The following HLA-DRB5 variants were observed in gnomAD, a reference collection of about 807,000 sequenced individuals.
The protein encoded by HLA-DRB5 is major histocompatibility complex, class II, DR beta 5, also known as DR beta-5.
HLA-DRB5 carries 11 observed loss-of-function variants against 22.4 expected under a neutral mutation model. The ratio of observed to expected loss-of-function variants is 0.49; its 90% confidence interval spans 0.31 to 0.81. The LOEUF (loss-of-function observed/expected upper bound fraction) is 0.81, where lower values mean the gene tolerates loss of function less well. HLA-DRB5 is among the 40% of genes least tolerant of loss of function. The pLI, the probability that HLA-DRB5 is intolerant of heterozygous loss-of-function variation, is 0.05. For synonymous variants in HLA-DRB5, 57 were observed against 106.0 expected (o/e 0.54, Z 2.84); for missense variants, 106 against 274.4 (o/e 0.39, Z 4.34).
At chr6:32,523,898 T>A in intron 1 of HLA-DRB5, among the ~76,000 whole-genome samples, 1 of 125,516 alleles carries the variant, frequency 8.0e-6, no homozygotes, top group Non-Finnish European at 1.7e-5. Flanking sequence ...TAATTCTTTG[T>A]TGGTAAAGGA....
chr6:32,518,471 C>G lies in HLA-DRB5; in HGVS notation c.763+85G>C, dbSNP rs111338793. The G allele has an allele frequency of 5.4e-4, 213 of 397,282 alleles. 21 individuals carry two copies. The highest frequency in any genetic ancestry group is 1.3e-3 in the South Asian group (43 of 34,134). The allele number at this position is 397,282 out of a possible 1,614,324, so 24.6% of individuals were successfully genotyped here. ...AAGAAAGGCTTTATCCAGGGCCACT[C>G]ATATACTGAGAACTAACCTCAGCAA... On this transcript the variant is annotated intron_variant, in intron 4 of 5. Transcript: ENST00000374975.
intron 1 of HLA-DRB5, among the ~76,000 whole-genome samples, chr6:32,524,773 G>A (rs114198303): frequency 0.075 from 6,064 of 81,162 alleles, 71 homozygotes; most frequent in East Asian, 0.15. Context: ...GGCTAGCACT[G>A]TAATCCATGC....
At position 32,525,164 on chromosome 6, in the gene HLA-DRB5, C is replaced by A. The variant is rs1381336220; in HGVS notation, c.101-2990G>T. The stretch of plus-strand genomic sequence containing the variant: ...ATTCAGACACAATCAAGTCACTACT[C>A]ACTAATGATGGAAAAACTCTCATAT... On this transcript the variant is annotated intron_variant, in intron 1 of 5. Coordinates refer to ENST00000374975, the MANE Select transcript of HLA-DRB5 (RefSeq NM_002125.4). Among the ~76,000 whole-genome samples, 203 of 84,488 alleles carry A rather than the reference C, an allele frequency of 2.4e-3. 1 individual carries two copies. The highest frequency in any genetic ancestry group is 7.9e-3 in the South Asian group (21 of 2,674). The allele number at this position is 84,488 out of a possible 152,430, so 55.4% of individuals were successfully genotyped here.
intron 2 of HLA-DRB5, among the ~76,000 whole-genome samples, chr6:32,520,762 G>A (rs185170828): frequency 0.25 from 7,410 of 30,068 alleles, 2,380 homozygotes; most frequent in Non-Finnish European, 0.28. Flanking sequence ...ATTAATAAAA[G>A]TTTTGGAATA....
At chr6:32,526,097 G>A (rs113816652) in intron 1 of HLA-DRB5, among the ~76,000 whole-genome samples, 3,366 of 64,014 alleles carry the variant, frequency 0.053, 12 homozygotes, top group East Asian at 0.062. Flanking sequence ...CCTGAAGCTC[G>A]CTACTCAAAA....
chr6:32,523,791 T>C (rs112476814), intron 1 of HLA-DRB5, among the ~76,000 whole-genome samples: 4,396 of 70,432 alleles, frequency 0.062, 836 homozygotes, highest in South Asian at 0.22. Context: ...CTGAATTGGG[T>C]GCTGAGTGTA....
chr6:32,529,680 T>C (rs1003428619), intron 1 of HLA-DRB5, among the ~76,000 whole-genome samples: 10,171 of 70,324 alleles, frequency 0.14, 607 homozygotes, highest in Middle Eastern at 0.29. Context: ...GAGGAGCCAA[T>C]ATCACAGGTT....
At chr6:32,529,594 G>GCTTT (rs1321229728) in intron 1 of HLA-DRB5, among the ~76,000 whole-genome samples, 1 of 22,942 alleles carries the variant, frequency 4.4e-5, no homozygotes, top group Non-Finnish European at 9.6e-5. Context: ...TACATTACAG[G>GCTTT]GTAAACATTG....
intron 1 of HLA-DRB5, among the ~76,000 whole-genome samples, chr6:32,522,955 G>A (rs796448225): frequency 0.069 from 7,520 of 109,154 alleles, 129 homozygotes; most frequent in East Asian, 0.098. Flanking sequence ...ACAAAAGCTT[G>A]AATTGATGAA....
At chr6:32,518,888 C>A (rs187058069) in intron 3 of HLA-DRB5, among the ~76,000 whole-genome samples, 5,374 of 31,440 alleles carry the variant, frequency 0.17, 1,262 homozygotes, top group Middle Eastern at 0.34. Context: ...ATGTAAGGCA[C>A]GGCTTCAACA....
intron 1 of HLA-DRB5, among the ~76,000 whole-genome samples, chr6:32,528,273 A>G (rs201348470): frequency 0.011 from 1,306 of 117,530 alleles, 38 homozygotes; most frequent in Middle Eastern, 0.021. Context: ...GACTCTCTGA[A>G]ATTTTCTTCT....
Position 32,527,647 on chromosome 6 carries a change from C to T in HLA-DRB5, c.100+2478G>A, listed in dbSNP as rs1769762439. ...ATCCCAGCACTTTGGGAGTCTCAGG[C>T]GGGCAGATTACTTGAGGTCAGGAGT... On this transcript the variant is annotated intron_variant, in intron 1 of 5. Transcript: ENST00000374975. Among the ~76,000 whole-genome samples the T allele has an allele frequency of 5.0e-5, 2 of 40,342 alleles. 1 individual carries two copies. The highest frequency in any genetic ancestry group is 1.0e-4 in the Non-Finnish European group (2 of 19,606). 26.5% of individuals were successfully genotyped at this position (40,342 alleles called of 152,430 possible). A position where few individuals can be genotyped will look rare whatever the true frequency, so the allele number is the denominator to read the frequency against.
At chr6:32,528,217 T>A (rs115711695) in intron 1 of HLA-DRB5, among the ~76,000 whole-genome samples, 26,469 of 62,816 alleles carry the variant, frequency 0.42, 4,946 homozygotes, top group Middle Eastern at 0.47. Context: ...GGTGAATCCA[T>A]TTCTCTCTTT....
intron 2 of HLA-DRB5, among the ~76,000 whole-genome samples, chr6:32,520,941 C>G (rs111304729): frequency 0.059 from 2,250 of 38,194 alleles, 2 homozygotes; most frequent in Middle Eastern, 0.16. Context: ...CTGGAGATAA[C>G]AGAAAATAGA....
chr6:32,518,862 T>A (rs116577630), intron 3 of HLA-DRB5, among the ~76,000 whole-genome samples, 196 bp from the exon 4 acceptor site: 14,439 of 38,354 alleles, frequency 0.38, 5,687 homozygotes, highest in Middle Eastern at 0.67. Flanking sequence ...AAATTCATTC[T>A]AATATTACAG....
chr6:32,519,007 C>T (rs1317768482), intron 3 of HLA-DRB5, among the ~76,000 whole-genome samples: 2 of 113,290 alleles, frequency 1.8e-5, no homozygotes, highest in Admixed American at 9.7e-5. Flanking sequence ...TCAGGAAGGC[C>T]CCTACACTTC....
chr6:32,526,108 C>T (rs779678777), intron 1 of HLA-DRB5, among the ~76,000 whole-genome samples: 5,865 of 91,730 alleles, frequency 0.064, 42 homozygotes, highest in Admixed American at 0.096. Flanking sequence ...CTACTCAAAA[C>T]AGTCAACCTT....
chr6:32,523,684 A>G (rs73726187), intron 1 of HLA-DRB5, among the ~76,000 whole-genome samples: 62,074 of 95,840 alleles, frequency 0.65, 21,096 homozygotes, highest in Middle Eastern at 0.77. Flanking sequence ...AAGCTATTAA[A>G]CTTGCATTGA....
intron 3 of HLA-DRB5, among the ~76,000 whole-genome samples, chr6:32,518,919 A>G (rs1768446861): frequency 1.7e-5 from 1 of 60,420 alleles, no homozygotes; most frequent in Non-Finnish European, 3.5e-5. Flanking sequence ...AGAAAGCCTG[A>G]GACTCAATGA....
Sources: allele counts gnomAD v4.1 joint callset (sites outside exome capture counted in the v4.1 genomes callset), GRCh38; gene constraint gnomAD v4.1.1; transcripts MANE v1.5; gene names NCBI Gene and HGNC (gene_info 2026-07-23, HGNC 2026-07-21).